The following PLCB4 variants were observed in gnomAD, a reference collection of about 807,000 sequenced individuals.
PLCB4 encodes the protein phospholipase C beta 4.
In PLCB4, 77 loss-of-function variants were observed where a neutral mutation model predicts 178.8. The observed-to-expected ratio is 0.43, with a 90% CI of 0.36 to 0.52. The LOEUF is 0.52. PLCB4 is among the 20% of genes least tolerant of loss of function. The pLI, the probability that PLCB4 is intolerant of heterozygous loss-of-function variation, is 0.00. For synonymous variants in PLCB4, 496 were observed against 490.8 expected (o/e 1.01, Z -0.14); for missense variants, 1,024 against 1,453.4 (o/e 0.70, Z 4.80).
intron 2 of PLCB4, among the ~76,000 whole-genome samples, chr20:9,217,105 A>G (rs891422269): frequency 1.3e-5 from 2 of 152,310 alleles, no homozygotes; most frequent in African/African-American, 2.4e-5. Flanking sequence ...TTGTTGTTCT[A>G]TTGCTGCTTA....
chr20:9,160,262 G>A (rs1180366912), intron 2 of PLCB4, among the ~76,000 whole-genome samples: 1 of 152,180 alleles, frequency 6.6e-6, no homozygotes, highest in Non-Finnish European at 1.5e-5. Context: ...CCCTGGGCTA[G>A]GTTTTGGAAA....
intron 29 of PLCB4, among the ~76,000 whole-genome samples, chr20:9,436,341 C>G (rs936138227): frequency 5.9e-5 from 9 of 152,088 alleles, no homozygotes; most frequent in Non-Finnish European, 1.0e-4. Flanking sequence ...ATGATAATTG[C>G]TTTTTATTTT....
At chr20:9,184,241 C>T (rs115035517) in intron 2 of PLCB4, among the ~76,000 whole-genome samples, 103 of 152,236 alleles carry the variant, frequency 6.8e-4, no homozygotes, top group African/African-American at 2.2e-3. Flanking sequence ...TGGGAAAAAA[C>T]GGAAAAGGGA....
At position 9,411,024 on chromosome 20, in the gene PLCB4, T is replaced by C; in HGVS notation, c.2000-13T>C. On this transcript the variant is annotated splice_polypyrimidine_tract_variant and intron_variant, in intron 24 of 39. Transcript: ENST00000378473. ...GGAAGACAAGATGCTAAATTATTTT[T>C]GTCTCTTGACAGATTTAGCGATGCA... The C allele has an allele frequency of 1.9e-6, 3 of 1,601,738 alleles. No homozygotes were observed. The South Asian group carries it at 3.3e-5, about 18-fold the overall frequency.
intron 2 of PLCB4, among the ~76,000 whole-genome samples, chr20:9,120,934 C>T (rs548501892): frequency 2.9e-4 from 44 of 152,260 alleles, no homozygotes; most frequent in Admixed American, 9.8e-4. Flanking sequence ...TCCTTTGCCC[C>T]ACATGTGTTG....
chr20:9,213,425 G>A (rs1010220878), intron 2 of PLCB4, among the ~76,000 whole-genome samples: 10 of 152,104 alleles, frequency 6.6e-5, no homozygotes, highest in Non-Finnish European at 1.5e-4. Context: ...GATTACAGGC[G>A]TGAGCCAACA....
intron 4 of PLCB4, among the ~76,000 whole-genome samples, chr20:9,330,782 G>T: frequency 6.6e-6 from 1 of 152,150 alleles, no homozygotes; most frequent in Non-Finnish European, 1.5e-5. Flanking sequence ...AACCCATCTG[G>T]CACATTTCCA....
At chr20:9,185,036 C>T (rs2093309579) in intron 2 of PLCB4, among the ~76,000 whole-genome samples, 1 of 152,230 alleles carries the variant, frequency 6.6e-6, no homozygotes, top group Non-Finnish European at 1.5e-5. Flanking sequence ...CATCCTTCTG[C>T]TTCAGCTTCC....
intron 1 of PLCB4, among the ~76,000 whole-genome samples, chr20:9,090,225 ATG>A (rs11087835): frequency 1.5e-3 from 224 of 149,522 alleles, no homozygotes; most frequent in African/African-American, 5.1e-3. Context: ...AATACTATTT[ATG>A]TGTGTGTGTG....
chr20:9,141,565 TGTTTAA>T (rs2092491618), intron 2 of PLCB4, among the ~76,000 whole-genome samples: 1 of 152,164 alleles, frequency 6.6e-6, no homozygotes, highest in Admixed American at 6.5e-5. Flanking sequence ...GGGGCAATCT[TGTTTAA>T]GTTCACTTAA....
intron 3 of PLCB4, among the ~76,000 whole-genome samples, chr20:9,288,224 G>A (rs1246275149): frequency 6.6e-6 from 1 of 152,044 alleles, no homozygotes; most frequent in Non-Finnish European, 1.5e-5. Flanking sequence ...ACAAAATACT[G>A]TAAGCAATGT....
chr20:9,253,984 G>A (rs1011652819), intron 3 of PLCB4, among the ~76,000 whole-genome samples: 2 of 152,208 alleles, frequency 1.3e-5, no homozygotes, highest in African/African-American at 4.8e-5. Context: ...GCAAAAGTAT[G>A]TTTGGTCTGC....
intron 17 of PLCB4, among the ~76,000 whole-genome samples, chr20:9,392,171 G>T (rs1253811905): frequency 8.5e-5 from 13 of 152,226 alleles, no homozygotes; most frequent in Admixed American, 8.5e-4. Flanking sequence ...TTTACCAGCT[G>T]AAGGGTGTCC....
intron 2 of PLCB4, among the ~76,000 whole-genome samples, chr20:9,207,607 G>A (rs1435700782): frequency 6.6e-6 from 1 of 152,172 alleles, no homozygotes; most frequent in Non-Finnish European, 1.5e-5. Context: ...CATTGCTATG[G>A]GGGGATAGAA....
chr20:9,150,524 G>A (rs911448563), intron 2 of PLCB4, among the ~76,000 whole-genome samples: 1 of 152,136 alleles, frequency 6.6e-6, no homozygotes, highest in African/African-American at 2.4e-5. Flanking sequence ...AAGGTATTTA[G>A]CATCAAATTT....
In PLCB4 at chr20:9,229,544, C is replaced by T. The variant is rs1028431197; in HGVS notation, c.-16+12092C>T. ...AAATACCAAACTGTCAACAGGGATTCCCTTTCAAGGTTCCATTGGAGTTGG... is the reference window on the plus strand; with the variant it reads ...AAATACCAAACTGTCAACAGGGATTTCCTTTCAAGGTTCCATTGGAGTTGG... On this transcript the variant is annotated intron_variant, in intron 3 of 39. Transcript: ENST00000378473. Among the ~76,000 whole-genome samples, 7 of 151,826 alleles carry T rather than the reference C, an allele frequency of 4.6e-5. No homozygotes were observed. In the East Asian group the frequency reaches 1.2e-3, roughly 25 times the overall value.
intron 2 of PLCB4, among the ~76,000 whole-genome samples, chr20:9,175,966 G>C (rs917489648): frequency 7.2e-5 from 11 of 152,040 alleles, no homozygotes; most frequent in African/African-American, 2.7e-4. Context: ...TCACAATTTA[G>C]GACCTTTCTG....
At chr20:9,314,069 G>A (rs989429984) in intron 4 of PLCB4, among the ~76,000 whole-genome samples, 1 of 152,152 alleles carries the variant, frequency 6.6e-6, no homozygotes, top group African/African-American at 2.4e-5. Flanking sequence ...TTCTGCAAGG[G>A]CATGAGTATG....
At chr20:9,212,020 C>A (rs980491522) in intron 2 of PLCB4, among the ~76,000 whole-genome samples, 1 of 152,192 alleles carries the variant, frequency 6.6e-6, no homozygotes, top group African/African-American at 2.4e-5. Context: ...TTGCAGTGTG[C>A]AGTGCCCCAT....
Sources: allele counts gnomAD v4.1 joint callset (sites outside exome capture counted in the v4.1 genomes callset), GRCh38; gene constraint gnomAD v4.1.1; transcripts MANE v1.5; gene names NCBI Gene and HGNC (gene_info 2026-07-23, HGNC 2026-07-21).